The following COQ2 variants were observed in gnomAD, a reference collection of about 807,000 sequenced individuals.
COQ2 encodes 4-hydroxybenzoate polyprenyltransferase, mitochondrial.
COQ2 carries 25 observed loss-of-function variants against 35.7 expected under a neutral mutation model. The observed-to-expected ratio is 0.70, with a 90% confidence interval of 0.51 to 0.98. The LOEUF (loss-of-function observed/expected upper bound fraction) is 0.98, where lower values mean the gene tolerates loss of function less well. COQ2 is among the 50% of genes least tolerant of loss of function. The pLI is 0.00. For synonymous variants in COQ2, 206 were observed against 186.2 expected (o/e 1.11, Z -0.86); for missense variants, 488 against 473.5 (o/e 1.03, Z -0.28).
chr4:83,278,046 A>G (rs1735228002), intron 2 of COQ2, among the ~76,000 whole-genome samples: 1 of 151,942 alleles, frequency 6.6e-6, no homozygotes, highest in Non-Finnish European at 1.5e-5. Flanking sequence ...TATTAACTAA[A>G]AATTATTATA....
chr4:83,279,065 A>T lies in COQ2; in HGVS notation c.303T>A (p.Ala101=), dbSNP rs748371782. The T allele has an allele frequency of 1.3e-6, 2 of 1,596,602 alleles. No homozygotes were observed. The highest frequency in any genetic ancestry group is 1.7e-6 in the Non-Finnish European group (2 of 1,171,218). ...LPCTWSIGLA[A]EPGCFPDWYM... ...ACCAATCTGGAAAACAACCTGGTTC[A>T]GCTGCCAAACCAATGCTCCAGGTAC... Residue 101 remains alanine, a synonymous_variant, in exon 2 of 7, where the codon GCT becomes GCA. Transcript: ENST00000647002.
At chr4:83,277,787 T>G (rs1735217340) in intron 2 of COQ2, among the ~76,000 whole-genome samples, 1 of 152,146 alleles carries the variant, frequency 6.6e-6, no homozygotes, top group African/African-American at 2.4e-5. Flanking sequence ...CTGACCAACG[T>G]GGAGAAACCC....
chr4:83,284,458 G>A, intron 1 of COQ2, 54 bp downstream of exon 1: 1 of 1,515,248 alleles, frequency 6.6e-7, no homozygotes, highest in Non-Finnish European at 8.8e-7. Context: ...CCGCGGAGCC[G>A]ACTCGGAGGC....
rs895228332 is a variant in COQ2 at position 83,263,978 on chromosome 4, G to A, written c.*221C>T. The A allele has an allele frequency of 1.4e-5, 5 of 350,472 alleles. No individual in the cohort carries two copies. The highest frequency in any genetic ancestry group is 5.1e-5 in the Admixed American group (1 of 19,476). The allele number at this position is 350,472 out of a possible 1,614,324, so 21.7% of individuals were successfully genotyped here. A position where few individuals can be genotyped will look rare whatever the true frequency, so the allele number is the denominator to read the frequency against. ...TGAGAATTATAATGGGCAGAAGAAT[G>A]TATCAACTAAAATACTCAAGGCCAT... On this transcript the variant is annotated 3_prime_UTR_variant, in exon 7 of 7. Coordinates refer to ENST00000647002, the MANE Select transcript of COQ2 (RefSeq NM_001358921.2).
intron 6 of COQ2, among the ~76,000 whole-genome samples, chr4:83,266,113 C>T (rs1734912585): frequency 5.3e-5 from 8 of 152,040 alleles, no homozygotes; most frequent in Admixed American, 3.9e-4. Flanking sequence ...TGAGCTATGA[C>T]CAAAAAGGGA....
chr4:83,267,834 C>A, intron 5 of COQ2, 60 bp from the exon 6 acceptor site: 1 of 1,388,196 alleles, frequency 7.2e-7, no homozygotes, highest in Non-Finnish European at 9.7e-7. Context: ...CCATAAAATT[C>A]ACATTTTGAA....
At chr4:83,279,334 C>T (rs1252746411) in intron 1 of COQ2, among the ~76,000 whole-genome samples, 2 of 152,026 alleles carry the variant, frequency 1.3e-5, no homozygotes, top group African/African-American at 2.4e-5. Flanking sequence ...AAAGACAAAA[C>T]ATAATAAAAA....
chr4:83,276,234 A>G lies in COQ2; in HGVS notation c.421-2617T>C, dbSNP rs117363958. Among the ~76,000 whole-genome samples, 302 of 151,854 alleles carry G rather than the reference A, an allele frequency of 2.0e-3. 5 individuals are homozygous for G. In the East Asian group the frequency reaches 0.047, roughly 23 times the overall value. Reference sequence around the variant, plus strand: ...AAATGTCTGTTCATGTGCGTTGCCTACTTTTTAATGGGGTTATTTTTTTCT... The same window carrying G: ...AAATGTCTGTTCATGTGCGTTGCCTGCTTTTTAATGGGGTTATTTTTTTCT... On this transcript the variant is annotated intron_variant, in intron 2 of 6. Coordinates refer to ENST00000647002, the MANE Select transcript of COQ2 (RefSeq NM_001358921.2).
Position 83,278,933 on chromosome 4 carries a change from T to G in COQ2, c.420+15A>C. On this transcript the variant is annotated intron_variant, in intron 2 of 6. Coordinates refer to ENST00000647002, the MANE Select transcript of COQ2 (RefSeq NM_001358921.2). The stretch of plus-strand genomic sequence containing the variant: ...TTGAGAAGAGCCTCTCTATTCCTTT[T>G]CAGGATGAAATTACCTTTTTATCAT... 6.4e-7 allele frequency: 1 copy of G among 1,559,198 alleles called. No individual in the cohort carries two copies. Among genetic ancestry groups the G allele is most frequent in the East Asian group, 2.4e-5 (1 of 42,296 alleles).
chr4:83,272,422 ACTATT>A (rs1294976918), intron 3 of COQ2, among the ~76,000 whole-genome samples: 2 of 152,248 alleles, frequency 1.3e-5, no homozygotes, highest in Non-Finnish European at 2.9e-5. Context: ...TGTATTAAGC[ACTATT>A]CTAAGTGAAT....
At position 83,264,232 on chromosome 4, in the gene COQ2, T is replaced by A. The variant is rs1185165249; in HGVS notation, c.1083A>T (p.Thr361=). 6.4e-7 allele frequency: 1 copy of A among 1,572,366 alleles called. No individual in the cohort carries two copies. Among genetic ancestry groups the A allele is most frequent in the Admixed American group, 1.7e-5 (1 of 57,574 alleles). Residue 361 remains threonine (T), a synonymous_variant, in exon 7 of 7, where the codon ACA becomes ACT. Coordinates refer to ENST00000647002, the MANE Select transcript of COQ2 (RefSeq NM_001358921.2). ...CTATTTTATTCTCTATACCCTTCTT[T>A]GTTTTGTCTGTCTTCTTTTCTTTCC... is the stretch of plus-strand genomic sequence containing the variant. ...NLWKEKKTDK[T]KKGIENKIEN
At position 83,264,287 on chromosome 4, in the gene COQ2, A is replaced by G. The variant is rs148156462; in HGVS notation, c.1028T>C (p.Val343Ala). 1,926 of 1,612,214 alleles carry G rather than the reference A, an allele frequency of 1.2e-3. 28 individuals are homozygous for G. The East Asian group carries it at 0.017, about 14-fold the overall frequency. ...ATTCCCAAGGACAATCCCTAAAAAA[A>G]CTATTAGTCCCAGTGTTCGGTTGGA... ...FISNRTLGLIVFLGIVLGNLW... is the reference protein window; with the variant it reads ...FISNRTLGLIAFLGIVLGNLW... Residue 343 changes from valine to alanine, a missense_variant, in exon 7 of 7, where the codon GTT (valine) becomes GCT (alanine). Val to Ala is a moderately conservative substitution (Grantham distance 64). Coordinates refer to ENST00000647002, the MANE Select transcript of COQ2 (RefSeq NM_001358921.2).
chr4:83,266,510 A>G (rs1734922931), intron 6 of COQ2, among the ~76,000 whole-genome samples: 1 of 152,110 alleles, frequency 6.6e-6, no homozygotes, highest in South Asian at 2.1e-4. Flanking sequence ...GGTGCCCACC[A>G]CCATGCCCAG....
In COQ2 at chr4:83,269,952, T is replaced by C; in HGVS notation, c.670A>G (p.Ile224Val). The C allele has an allele frequency of 1.2e-6, 2 of 1,613,586 alleles. No individual in the cohort carries two copies. Among genetic ancestry groups the C allele is most frequent in the Non-Finnish European group, 8.5e-7 (1 of 1,179,690 alleles). The change falls in exon 5 of 7, where the codon ATC becomes GTC. Residue 224 changes from isoleucine to valine, a missense_variant. Coordinates refer to ENST00000647002, the MANE Select transcript of COQ2 (RefSeq NM_001358921.2). ...NWGALLGWSA[I>V]KGSCDPSVCL... Reference sequence around the variant, plus strand: ...ACAGATGGATCACAGGAACCCTTGATAGCAGACCATCCAAGTAACGCTCCC... The same window carrying C: ...ACAGATGGATCACAGGAACCCTTGACAGCAGACCATCCAAGTAACGCTCCC...
At chr4:83,268,117 A>G (rs1363616054) in intron 5 of COQ2, among the ~76,000 whole-genome samples, 2 of 152,206 alleles carry the variant, frequency 1.3e-5, no homozygotes, top group African/African-American at 4.8e-5. Context: ...TAGTGTTAGG[A>G]TTAAAATTCA....
At chr4:83,284,476 T>A (rs1735404351) in intron 1 of COQ2, 36 bp downstream of exon 1, 1 of 1,533,964 alleles carries the variant, frequency 6.5e-7, no homozygotes, top group African/African-American at 1.4e-5. Context: ...GGCTGCTACT[T>A]GCAAATTCCC....
intron 1 of COQ2, chr4:83,281,333 A>T (rs1433753459): frequency 6.6e-6 from 1 of 152,240 alleles, no homozygotes; most frequent in African/African-American, 2.4e-5. Context: ...AAAGAAAAAA[A>T]TTCTAGACAG....
At chr4:83,277,943 C>G (rs1735222113) in intron 2 of COQ2, among the ~76,000 whole-genome samples, 1 of 151,208 alleles carries the variant, frequency 6.6e-6, no homozygotes, top group Non-Finnish European at 1.5e-5. Flanking sequence ...CACTCCAGGC[C>G]TGGGCAACAA....
intron 2 of COQ2, among the ~76,000 whole-genome samples, chr4:83,275,916 A>G (rs1257067242): frequency 1.3e-5 from 2 of 150,536 alleles, no homozygotes; most frequent in Admixed American, 6.6e-5. Context: ...AAATTTTTTA[A>G]AGTGAAGAAC....
Sources: allele counts gnomAD v4.1 joint callset (sites outside exome capture counted in the v4.1 genomes callset), GRCh38; gene constraint gnomAD v4.1.1; transcripts MANE v1.5; gene names NCBI Gene and HGNC (gene_info 2026-07-23, HGNC 2026-07-21).